The following COL17A1 variants were observed in gnomAD, a reference collection of about 807,000 sequenced individuals.
The protein encoded by COL17A1 is collagen alpha-1(XVII) chain.
A neutral mutation model predicts 218.4 loss-of-function variants in COL17A1; 181 were observed. That is an observed-to-expected ratio of 0.83 (90% CI 0.73 to 0.94). COL17A1 has a LOEUF of 0.94. Ranked by LOEUF, COL17A1 falls within the 40% of genes least tolerant of loss-of-function variation. COL17A1 has a pLI of 0.00. For missense variants in COL17A1, 1,924 were observed against 1,945.9 expected (o/e 0.99, Z 0.21); for synonymous variants, 721 against 731.0 (o/e 0.99, Z 0.22).
chr10:104,055,900 G>A lies in COL17A1; in HGVS notation c.1569C>T (p.Arg523=). ...CCGCCGCGGGTGCCATGCCCTGGAG[G>A]CGGTCCTTTTCTATTCTATCCATGC... is the stretch of plus-strand genomic sequence containing the variant. ...GDSMDRIEKD[R]LQGMAPAAGA... The change falls in exon 18 of 56, where the codon CGC becomes CGT. Residue 523 remains arginine (R), a synonymous_variant. Coordinates refer to ENST00000648076, the MANE Select transcript of COL17A1 (RefSeq NM_000494.4). 6.2e-7 allele frequency: 1 copy of A among 1,614,198 alleles called. No individual in the cohort carries two copies.
chr10:104,045,668 TG>T, intron 33 of COL17A1, 89 bp downstream of exon 33: 1 of 1,090,436 alleles, frequency 9.2e-7, no homozygotes, highest in Non-Finnish European at 1.4e-6. Flanking sequence ...ATCCAGGCTC[TG>T]GCCAGAGAGA....
At chr10:104,059,837 G>T in intron 14 of COL17A1, 119 bp from the exon 15 acceptor site, 1 of 1,125,208 alleles carries the variant, frequency 8.9e-7, no homozygotes, top group Non-Finnish European at 1.3e-6. Flanking sequence ...AGACTGGTAA[G>T]AAGAGCCCCT....
Position 104,041,908 on chromosome 10 carries a change from G to T in COL17A1, c.2552-370C>A, listed in dbSNP as rs529931630. Among the ~76,000 whole-genome samples the T allele has an allele frequency of 2.6e-5, 4 of 152,114 alleles. No individual in the cohort carries two copies. In the South Asian group the frequency reaches 8.3e-4, roughly 32 times the overall value. ...TCAGTTTCCTCCTCTGTAAACCAAGGTCAAAAAGATCTACATCACGGGGGT... is the reference window on the plus strand; with the variant it reads ...TCAGTTTCCTCCTCTGTAAACCAAGTTCAAAAAGATCTACATCACGGGGGT... On this transcript the variant is annotated intron_variant, in intron 36 of 55. Coordinates refer to ENST00000648076, the MANE Select transcript of COL17A1 (RefSeq NM_000494.4).
At chr10:104,045,210 C>T (rs140505104) in intron 33 of COL17A1, among the ~76,000 whole-genome samples, 2,456 of 152,248 alleles carry the variant, frequency 0.016, 36 homozygotes, top group South Asian at 0.047. Flanking sequence ...GTCAGACCCC[C>T]GAGGATGAGC....
At chr10:104,065,060 G>C (rs915281034) in intron 9 of COL17A1, among the ~76,000 whole-genome samples, 9 of 152,172 alleles carry the variant, frequency 5.9e-5, no homozygotes, top group South Asian at 2.1e-4. Flanking sequence ...CTGGGCAGGG[G>C]AGTCCTTGGT....
intron 9 of COL17A1, 120 bp from the exon 10 acceptor site, chr10:104,064,716 AG>A (rs554988644): frequency 1.1e-6 from 1 of 950,106 alleles, no homozygotes; most frequent in South Asian, 1.4e-5. Context: ...CCCACATTTC[AG>A]GAACTTTCTC....
intron 5 of COL17A1, 139 bp from the exon 6 acceptor site, chr10:104,074,370 G>T: frequency 8.0e-7 from 1 of 1,244,778 alleles, no homozygotes; most frequent in Non-Finnish European, 1.2e-6. Flanking sequence ...ATGCTCTTCA[G>T]CATGCATGTC....
At chr10:104,076,189 G>A (rs2086708473) in intron 5 of COL17A1, 112 bp downstream of exon 5, 1 of 1,527,024 alleles carries the variant, frequency 6.5e-7, no homozygotes, top group South Asian at 1.1e-5. Flanking sequence ...AAGGAGGAGT[G>A]GGGAGAAAGG....
rs1647484075 is a variant in COL17A1 at position 104,050,857 on chromosome 10, C to T, written c.2083G>A (p.Gly695Ser). The T allele has an allele frequency of 6.2e-7, 1 of 1,614,138 alleles. No homozygotes were observed. Among genetic ancestry groups the T allele is most frequent in the Non-Finnish European group, 8.5e-7 (1 of 1,180,028 alleles). Reference sequence around the variant, plus strand: ...CCTCCCTCCAGCTTACCTTTGACACCAGGAAGTCCTACTTCACCTCGGAGC... The same window carrying T: ...CCTCCCTCCAGCTTACCTTTGACACTAGGAAGTCCTACTTCACCTCGGAGC... ...QGLRGEVGLPGVKGDKGPMGP... is the reference protein window; with the variant it reads ...QGLRGEVGLPSVKGDKGPMGP... The change falls in exon 26 of 56, where the codon GGT becomes AGT. Residue 695 changes from glycine to serine, a missense_variant. Physicochemically the swap from Gly to Ser is moderately conservative, Grantham distance 56 (BLOSUM62 0). Transcript: ENST00000648076.
rs1297365096 is a variant in COL17A1, at chr10:104,037,859, A to G, written c.3071-86T>C. On this transcript the variant is annotated intron_variant, in intron 45 of 55. Coordinates refer to ENST00000648076, the MANE Select transcript of COL17A1 (RefSeq NM_000494.4). ...GAGGTGACCTGAAGCACATGATAAC[A>G]TGCCTGCCCCGCCCCACACATGGGC... is the stretch of plus-strand genomic sequence containing the variant. 3.3e-6 allele frequency: 5 copies of G among 1,522,096 alleles called. No individual in the cohort carries two copies. In the Admixed American group the frequency reaches 7.7e-5, roughly 23 times the overall value. 94.3% of individuals were successfully genotyped at this position (1,522,096 alleles called of 1,614,324 possible).
chr10:104,032,384 A>AGAT, intron 55 of COL17A1, 94 bp from the exon 56 acceptor site: 2 of 1,063,086 alleles, frequency 1.9e-6, no homozygotes, highest in South Asian at 1.3e-5. Flanking sequence ...ACTACTGCAA[A>AGAT]GATGGCTTCA....
intron 19 of COL17A1, 48 bp from the exon 20 acceptor site, chr10:104,055,055 A>C (rs2086506792): frequency 1.2e-6 from 2 of 1,613,292 alleles, no homozygotes; most frequent in Non-Finnish European, 1.7e-6. Context: ...AAGAACCCAA[A>C]GGCCATACTC....
rs891786274 is a variant in COL17A1, at chr10:104,055,803, G to T, written c.1666C>A (p.Leu556Ile). Residue 556 changes from leucine (L) to isoleucine (I), a missense_variant, in exon 18 of 56, where the codon CTA becomes ATA. Coordinates refer to ENST00000648076, the MANE Select transcript of COL17A1 (RefSeq NM_000494.4). Reference protein sequence around the residue: ...EELWMFVRKKLMMEQENGNLR... With the variant: ...EELWMFVRKKIMMEQENGNLR... Reference sequence around the variant, plus strand: ...TCACCATTTTCCTGTTCCATCATTAGCTTCTTCCTCACGAACATCCAGAGC... The same window carrying T: ...TCACCATTTTCCTGTTCCATCATTATCTTCTTCCTCACGAACATCCAGAGC... 1.2e-6 allele frequency: 2 copies of T among 1,614,176 alleles called. No individual in the cohort carries two copies. Among genetic ancestry groups the T allele is most frequent in the Non-Finnish European group, 1.7e-6 (2 of 1,180,044 alleles).
chr10:104,051,574 G>GT, intron 24 of COL17A1, 58 bp from the exon 25 acceptor site: 1 of 1,608,202 alleles, frequency 6.2e-7, no homozygotes, highest in Non-Finnish European at 8.5e-7. Context: ...GGGGACATCT[G>GT]GCCCCGGTGC....
In COL17A1 at chr10:104,034,212, G is replaced by C. The variant is rs1299565001; in HGVS notation, c.3889C>G (p.His1297Asp). The C allele has an allele frequency of 6.2e-7, 1 of 1,612,878 alleles. No individual in the cohort carries two copies. The highest frequency in any genetic ancestry group is 1.1e-5 in the South Asian group (1 of 90,944). Residue 1297 changes from histidine to aspartate, a missense_variant, in exon 52 of 56, where the codon CAC (histidine) becomes GAC (aspartate). Physicochemically the swap from His to Asp is moderately conservative, Grantham distance 81 (BLOSUM62 -1). Coordinates refer to ENST00000648076, the MANE Select transcript of COL17A1 (RefSeq NM_000494.4). ...SHSRGSSSSS[H>D]SSSVRRGSSY... is the part of the protein sequence containing the mutation. ...CTGCCCCGCCTGACAGATGAGCTGT[G>C]TGAGGAGGAGCTGCTACCCCGACTG...
chr10:104,062,398 C>T, intron 11 of COL17A1, 69 bp from the exon 12 acceptor site: 1 of 1,605,402 alleles, frequency 6.2e-7, no homozygotes, highest in Non-Finnish European at 8.5e-7. Flanking sequence ...AGGACGGCCC[C>T]CAGAGTCCCA....
At chr10:104,075,204 A>C (rs1000611016) in intron 5 of COL17A1, among the ~76,000 whole-genome samples, 3 of 151,978 alleles carry the variant, frequency 2.0e-5, no homozygotes, top group Non-Finnish European at 4.4e-5. Flanking sequence ...CTCTTTGCGA[A>C]TGGCTTCCAC....
At chr10:104,077,813 A>G (rs991607592) in intron 3 of COL17A1, among the ~76,000 whole-genome samples, 1 of 152,236 alleles carries the variant, frequency 6.6e-6, no homozygotes, top group Non-Finnish European at 1.5e-5. Flanking sequence ...CAAGTTGCAT[A>G]TTAGGAAATT....
Position 104,056,973 on chromosome 10 carries a change from AC to A in COL17A1, c.1465+1del. On this transcript the variant is annotated splice_donor_variant, in intron 17 of 55. Transcript: ENST00000648076. LOFTEE classifies it high-confidence loss of function. ...GGCTGCCCTGCTGCCTTTGCCACGT[AC>A]CCAGAGCAATGAGGCCGAAGAGCAG... 1 of 1,569,404 alleles carries A rather than the reference AC, an allele frequency of 6.4e-7. No individual in the cohort carries two copies. The highest frequency in any genetic ancestry group is 2.4e-5 in the East Asian group (1 of 42,286).
Sources: allele counts gnomAD v4.1 joint callset (sites outside exome capture counted in the v4.1 genomes callset), GRCh38; gene constraint gnomAD v4.1.1; transcripts MANE v1.5; gene names NCBI Gene and HGNC (gene_info 2026-07-23, HGNC 2026-07-21).